ERC2: variants seen among roughly 807,000 people sequenced by gnomAD.
ERC2 encodes ERC protein 2.
A neutral mutation model predicts 114.8 loss-of-function variants in ERC2; 42 were observed. That is an observed-to-expected ratio of 0.37 (90% CI 0.29 to 0.47). ERC2 has a LOEUF of 0.47. Ranked by LOEUF, ERC2 falls within the 20% of genes least tolerant of loss-of-function variation. The pLI, the probability that ERC2 is intolerant of heterozygous loss-of-function variation, is 0.99. For synonymous variants in ERC2, 454 were observed against 425.5 expected (o/e 1.07, Z -0.82); for missense variants, 939 against 1,150.7 (o/e 0.82, Z 2.66).
intron 3 of ERC2, among the ~76,000 whole-genome samples, chr3:56,190,066 G>A (rs1052598198): frequency 6.6e-6 from 1 of 152,142 alleles, no homozygotes; most frequent in Non-Finnish European, 1.5e-5. Flanking sequence ...GAGGCTAAGC[G>A]ACAAAATTGT....
chr3:56,159,056 A>G (rs1250864778), intron 4 of ERC2, among the ~76,000 whole-genome samples: 2 of 152,062 alleles, frequency 1.3e-5, no homozygotes, highest in Admixed American at 6.6e-5. Context: ...GTGAATTCTC[A>G]TGAGATCGAG....
chr3:56,391,500 G>A (rs1402508159), intron 2 of ERC2, among the ~76,000 whole-genome samples: 1 of 152,132 alleles, frequency 6.6e-6, no homozygotes, highest in Admixed American at 6.6e-5. Context: ...AATGGTTAAG[G>A]GGTTAAGGAA....
chr3:56,174,963 C>G (rs78776925), intron 3 of ERC2, among the ~76,000 whole-genome samples: 2,086 of 113,652 alleles, frequency 0.018, 68 homozygotes, highest in East Asian at 0.18. Flanking sequence ...GGTGATGGAA[C>G]GAGACTCTGT....
chr3:56,373,143 A>G (rs189562531), intron 2 of ERC2, among the ~76,000 whole-genome samples: 46 of 152,310 alleles, frequency 3.0e-4, no homozygotes, highest in African/African-American at 1.1e-3. Flanking sequence ...GATAACCACT[A>G]ATTTCATATA....
At chr3:56,224,783 G>C (rs2050144022) in intron 3 of ERC2, among the ~76,000 whole-genome samples, 1 of 152,040 alleles carries the variant, frequency 6.6e-6, no homozygotes, top group African/African-American at 2.4e-5. Context: ...CTTCCTGGGA[G>C]GCCCCAAGAG....
At chr3:55,677,131 C>T (rs1049023596) in intron 17 of ERC2, among the ~76,000 whole-genome samples, 4 of 152,142 alleles carry the variant, frequency 2.6e-5, no homozygotes, top group African/African-American at 7.2e-5. Context: ...TTCATTAGCT[C>T]GCAATTAATT....
intron 17 of ERC2, among the ~76,000 whole-genome samples, chr3:55,626,122 C>A (rs1385401460): frequency 6.6e-6 from 1 of 152,172 alleles, no homozygotes; most frequent in East Asian, 1.9e-4. Flanking sequence ...CCTAGTAAGT[C>A]TGGAATGAGC....
At chr3:55,632,304 G>T (rs926792729) in intron 17 of ERC2, among the ~76,000 whole-genome samples, 9 of 152,196 alleles carry the variant, frequency 5.9e-5, no homozygotes, top group Admixed American at 5.2e-4. Context: ...TTCTCATCTT[G>T]GTCCAGTTGT....
chr3:56,410,390 C>T (rs1414533334), intron 2 of ERC2, among the ~76,000 whole-genome samples: 1 of 152,192 alleles, frequency 6.6e-6, no homozygotes, highest in African/African-American at 2.4e-5. Context: ...CTATAGAGAG[C>T]TCTTCCCACA....
intron 1 of ERC2, among the ~76,000 whole-genome samples, chr3:56,441,480 A>T (rs1414610583): frequency 6.6e-6 from 1 of 152,248 alleles, no homozygotes; most frequent in Non-Finnish European, 1.5e-5. Context: ...AATTATTTTT[A>T]AAATGGAAAT....
At chr3:55,791,858 G>GA (rs112572048) in intron 14 of ERC2, among the ~76,000 whole-genome samples, 7,818 of 152,142 alleles carry the variant, frequency 0.051, 237 homozygotes, top group South Asian at 0.086. Context: ...TTCTAGTGGG[G>GA]AAAAAACATG....
chr3:55,821,072 T>TA (rs111769682), intron 14 of ERC2, among the ~76,000 whole-genome samples: 7,039 of 151,534 alleles, frequency 0.046, 192 homozygotes, highest in African/African-American at 0.075. Flanking sequence ...GAAGAAGGGG[T>TA]AAAAAAAAGA....
At chr3:56,397,109 C>T (rs746580987) in intron 2 of ERC2, among the ~76,000 whole-genome samples, 1 of 152,122 alleles carries the variant, frequency 6.6e-6, no homozygotes, top group Non-Finnish European at 1.5e-5. Flanking sequence ...AGCAGCATGT[C>T]GGGGCTTTTA....
At chr3:56,104,633 ATT>A (rs11332087) in intron 6 of ERC2, among the ~76,000 whole-genome samples, 23,081 of 148,344 alleles carry the variant, frequency 0.16, 1,856 homozygotes, top group African/African-American at 0.18. Context: ...TAGATCCTGT[ATT>A]TTTTTTTTTT....
At chr3:56,413,161 A>T (rs1576835265) in intron 2 of ERC2, among the ~76,000 whole-genome samples, 1 of 152,068 alleles carries the variant, frequency 6.6e-6, no homozygotes, top group South Asian at 2.1e-4. Context: ...TGTGCCCCTC[A>T]CTCCAAGCTG....
intron 15 of ERC2, among the ~76,000 whole-genome samples, chr3:55,724,277 T>C (rs1486146049): frequency 2.0e-5 from 3 of 152,044 alleles, no homozygotes; most frequent in African/African-American, 7.3e-5. Context: ...CCTCAGGTCA[T>C]GGCGGGAGCC....
chr3:55,553,697 G>A (rs539815422), intron 17 of ERC2, among the ~76,000 whole-genome samples: 6 of 152,108 alleles, frequency 3.9e-5, no homozygotes, highest in South Asian at 2.1e-4. Flanking sequence ...GGAGAATGGC[G>A]TGAACCCGGG....
At chr3:56,405,917 G>A (rs1411581747) in intron 2 of ERC2, among the ~76,000 whole-genome samples, 1 of 106,230 alleles carries the variant, frequency 9.4e-6, no homozygotes, top group Non-Finnish European at 1.7e-5. Context: ...TTTTGAGATA[G>A]AGTCTCACTC....
intron 12 of ERC2, among the ~76,000 whole-genome samples, chr3:55,973,543 G>A (rs2069339225): frequency 6.6e-6 from 1 of 152,214 alleles, no homozygotes. Context: ...ATGTGTGCCT[G>A]TTCCCACATG....
Sources: gnomAD v4.1 joint callset for allele counts (sites outside exome capture counted in the v4.1 genomes callset) on GRCh38, gnomAD v4.1.1 for gene constraint, MANE v1.5 for transcripts, NCBI Gene and HGNC (gene_info 2026-07-23, HGNC 2026-07-21) for gene names.